Variants in NTM observed in about 807,000 individuals in gnomAD.
The protein encoded by NTM is IgLON family member 2.
In NTM, 13 loss-of-function variants were observed where a neutral mutation model predicts 42.1. The ratio of observed to expected loss-of-function variants is 0.31; its 90% CI spans 0.20 to 0.49. The LOEUF is 0.49. Ranked by LOEUF, NTM falls within the 20% of genes least tolerant of loss-of-function variation. The pLI, the probability that NTM is intolerant of heterozygous loss-of-function variation, is 0.99. For synonymous variants in NTM, 187 were observed against 179.2 expected, an observed-to-expected ratio of 1.04 and a Z score of -0.35; for missense variants, 373 against 452.8, an observed-to-expected ratio of 0.82 and a Z score of 1.60.
intron 1 of NTM, among the ~76,000 whole-genome samples, chr11:131,765,975 C>T (rs901135084): frequency 6.6e-6 from 1 of 152,148 alleles, no homozygotes; most frequent in Non-Finnish European, 1.5e-5. Flanking sequence ...TATTGACTAG[C>T]TGTACATTGT....
At chr11:132,166,620 A>G (rs1439135378) in intron 3 of NTM, among the ~76,000 whole-genome samples, 1 of 152,160 alleles carries the variant, frequency 6.6e-6, no homozygotes, top group East Asian at 1.9e-4. Context: ...GCATTCCTGG[A>G]CCCAGTATTC....
At chr11:131,930,110 C>T (rs1034903113) in intron 2 of NTM, among the ~76,000 whole-genome samples, 21 of 152,296 alleles carry the variant, frequency 1.4e-4, no homozygotes, top group African/African-American at 4.8e-4. Context: ...CCAACAATTA[C>T]ACTGAGTTGC....
chr11:131,530,279 C>T lies in NTM; in HGVS notation c.82+159391C>T, dbSNP rs185178954. On this transcript the variant is annotated intron_variant, in intron 1 of 8. Transcript: ENST00000683400. The stretch of plus-strand genomic sequence containing the variant: ...AAATTCTAGGAAGGTTTGAGATATA[C>T]CTAGACTAGTGTGGTGGATGTTTTA... Among the ~76,000 whole-genome samples, 6 of 152,118 alleles carry T rather than the reference C, an allele frequency of 3.9e-5. No individual in the cohort carries two copies. In the East Asian group the frequency reaches 5.8e-4, roughly 15 times the overall value.
At chr11:131,692,922 C>T (rs539169598) in intron 1 of NTM, among the ~76,000 whole-genome samples, 42 of 152,334 alleles carry the variant, frequency 2.8e-4, no homozygotes, top group African/African-American at 9.6e-4. Flanking sequence ...GCCAAGAAAT[C>T]GCACGGCAGG....
intron 1 of NTM, among the ~76,000 whole-genome samples, chr11:131,506,213 C>T (rs150919419): frequency 4.3e-4 from 66 of 152,256 alleles, no homozygotes; most frequent in African/African-American, 1.6e-3. Flanking sequence ...ATTTGTGGAA[C>T]TCCAGGCCCT....
chr11:131,992,456 G>A (rs114721628), intron 2 of NTM, among the ~76,000 whole-genome samples: 2,553 of 151,838 alleles, frequency 0.017, 53 homozygotes, highest in African/African-American at 0.058. Flanking sequence ...CACATTGTTC[G>A]AAGTTCAGCT....
At chr11:132,119,706 C>T (rs1042044385) in intron 2 of NTM, among the ~76,000 whole-genome samples, 1 of 152,240 alleles carries the variant, frequency 6.6e-6, no homozygotes, top group Non-Finnish European at 1.5e-5. Flanking sequence ...CATCACGCCT[C>T]TCTGCCAAAG....
intron 1 of NTM, chr11:131,573,533 C>G (rs950582530): frequency 6.6e-6 from 1 of 152,168 alleles, no homozygotes; most frequent in Non-Finnish European, 1.5e-5. Context: ...TCTACTCTCT[C>G]TCAAAGTCTT....
intron 2 of NTM, among the ~76,000 whole-genome samples, chr11:131,952,885 G>T (rs2061168446): frequency 6.6e-6 from 1 of 152,106 alleles, no homozygotes; most frequent in Non-Finnish European, 1.5e-5. Context: ...TATCATGATA[G>T]GCCTTGATGC....
chr11:131,763,887 A>G (rs1040152504), intron 1 of NTM, among the ~76,000 whole-genome samples: 1 of 151,708 alleles, frequency 6.6e-6, no homozygotes, highest in Admixed American at 6.6e-5. Flanking sequence ...TGTTGTTAAT[A>G]TAACTGCTAT....
At chr11:131,419,569 A>C (rs906616653) in intron 1 of NTM, among the ~76,000 whole-genome samples, 1 of 152,140 alleles carries the variant, frequency 6.6e-6, no homozygotes, top group Non-Finnish European at 1.5e-5. Flanking sequence ...ATAGCTCAGC[A>C]TGTTTCAAGG....
intron 2 of NTM, among the ~76,000 whole-genome samples, chr11:132,007,363 G>A (rs1053680658): frequency 5.3e-5 from 8 of 152,236 alleles, no homozygotes; most frequent in East Asian, 1.9e-4. Context: ...AAATAAGACC[G>A]CCAGCTGATG....
chr11:131,959,871 G>A (rs1397036958), intron 2 of NTM, among the ~76,000 whole-genome samples: 1 of 152,130 alleles, frequency 6.6e-6, no homozygotes, highest in African/African-American at 2.4e-5. Flanking sequence ...GACAATCATG[G>A]TCCAGGTGAG....
intron 4 of NTM, among the ~76,000 whole-genome samples, chr11:132,237,693 A>G (rs185240936): frequency 1.3e-5 from 2 of 152,278 alleles, no homozygotes; most frequent in East Asian, 1.9e-4. Context: ...CCTCAAGCCA[A>G]CTGTCCTCCC....
intron 3 of NTM, among the ~76,000 whole-genome samples, chr11:132,205,328 G>A (rs574480038): frequency 1.3e-5 from 2 of 152,304 alleles, no homozygotes; most frequent in South Asian, 2.1e-4. Flanking sequence ...GATATCCACT[G>A]TGTGCTAAAA....
At chr11:131,444,314 A>G (rs903150678) in intron 1 of NTM, among the ~76,000 whole-genome samples, 2 of 152,104 alleles carry the variant, frequency 1.3e-5, no homozygotes, top group Non-Finnish European at 2.9e-5. Context: ...TTGACATTAT[A>G]AAAGTCCAAG....
intron 1 of NTM, among the ~76,000 whole-genome samples, chr11:131,768,475 G>T (rs1381392453): frequency 6.6e-6 from 1 of 152,104 alleles, no homozygotes; most frequent in Non-Finnish European, 1.5e-5. Flanking sequence ...CTTGAGTTAC[G>T]GAAAAACAGC....
chr11:131,668,334 C>T (rs542868730), intron 1 of NTM, among the ~76,000 whole-genome samples: 1 of 151,956 alleles, frequency 6.6e-6, no homozygotes, highest in East Asian at 1.9e-4. Context: ...TCAGCAATGC[C>T]TGGATATTCC....
At chr11:132,250,604 TTTTTC>T (rs2091833929) in intron 4 of NTM, among the ~76,000 whole-genome samples, 1 of 152,126 alleles carries the variant, frequency 6.6e-6, no homozygotes, top group Admixed American at 6.5e-5. Flanking sequence ...CACTTTTTTT[TTTTTC>T]GTTACTTAAC....
Sources: allele counts gnomAD v4.1 joint callset (sites outside exome capture counted in the v4.1 genomes callset), GRCh38; gene constraint gnomAD v4.1.1; transcripts MANE v1.5; gene names NCBI Gene and HGNC (gene_info 2026-07-23, HGNC 2026-07-21).